MROH1: variants seen among roughly 807,000 people sequenced by gnomAD.
MROH1 encodes the protein maestro heat-like repeat-containing protein family member 1.
In MROH1, 117 loss-of-function variants were observed where a neutral mutation model predicts 116.5. The observed-to-expected ratio is 1.00, with a 90% CI of 0.86 to 1.17. The LOEUF (loss-of-function observed/expected upper bound fraction) is 1.17, where lower values mean the gene tolerates loss of function less well. Ranked by LOEUF, MROH1 falls within the 50% of genes most tolerant of loss-of-function variation. The pLI is 0.00. For synonymous variants in MROH1, 921 were observed against 583.9 expected, an observed-to-expected ratio of 1.58 and a Z score of -8.32; for missense variants, 1,873 against 1,338.5, an observed-to-expected ratio of 1.40 and a Z score of -6.23.
At chr8:144,213,787 CA>C (rs566636266) in intron 12 of MROH1, among the ~76,000 whole-genome samples, 13 of 149,134 alleles carry the variant, frequency 8.7e-5, no homozygotes, top group South Asian at 2.1e-4. Context: ...GACTCCGTCT[CA>C]AAAAAAAAAT....
Position 144,238,824 on chromosome 8 carries a change from C to T in MROH1, c.1407C>T (p.Thr469=). Residue 469 remains threonine (T), a synonymous_variant, in exon 15 of 44, where the codon ACC becomes ACT. Coordinates refer to ENST00000326134, the MANE Select transcript of MROH1 (RefSeq NM_032450.3). ...GCGTGCGGGCCATCAGCGTGCGCACCCTCTACCTGGTCAGCACCACCGTGG... is the reference window on the plus strand; with the variant it reads ...GCGTGCGGGCCATCAGCGTGCGCACTCTCTACCTGGTCAGCACCACCGTGG... ...ADSVRAISVR[T]LYLVSTTVDR... is the part of the protein sequence containing the mutation. The T allele has an allele frequency of 2.6e-6, 2 of 775,074 alleles. No individual in the cohort carries two copies. The highest frequency in any genetic ancestry group is 4.8e-6 in the Non-Finnish European group (2 of 417,818). The allele number at this position is 775,074 out of a possible 1,614,324, so 48.0% of individuals were successfully genotyped here.
chr8:144,249,990 G>A (rs1842584015), intron 32 of MROH1, among the ~76,000 whole-genome samples: 1 of 152,222 alleles, frequency 6.6e-6, no homozygotes, highest in Admixed American at 6.5e-5. Flanking sequence ...CCGGGGCACT[G>A]GCCACTTTGC....
At chr8:144,233,753 C>T (rs1263832125) in intron 14 of MROH1, among the ~76,000 whole-genome samples, 1 of 152,190 alleles carries the variant, frequency 6.6e-6, no homozygotes, top group Non-Finnish European at 1.5e-5. Context: ...CATGGACACT[C>T]GGGGTGCTGC....
At chr8:144,152,394 T>A (rs865983290) in intron 1 of MROH1, among the ~76,000 whole-genome samples, 2,693 of 10,410 alleles carry the variant, frequency 0.26, 94 homozygotes, top group Middle Eastern at 1. Flanking sequence ...TTAAAAAAAA[T>A]TTTTTTTTTT....
intron 10 of MROH1, among the ~76,000 whole-genome samples, chr8:144,193,915 G>A (rs981503719): frequency 6.6e-6 from 1 of 151,790 alleles, no homozygotes; most frequent in African/African-American, 2.4e-5. Flanking sequence ...AGCCAAGACC[G>A]TGCTTTTCAA....
intron 14 of MROH1, among the ~76,000 whole-genome samples, chr8:144,236,940 C>G (rs1212120632): frequency 1.0e-5 from 1 of 98,340 alleles, no homozygotes; most frequent in South Asian, 4.2e-4. Flanking sequence ...GAGTCTCGCT[C>G]TGTCGCCCAG....
intron 12 of MROH1, among the ~76,000 whole-genome samples, chr8:144,207,177 G>T (rs1833006256): frequency 1.3e-5 from 2 of 150,278 alleles, no homozygotes; most frequent in African/African-American, 2.4e-5. Context: ...TCTTTTTTTT[G>T]GGGGGTGGGG....
chr8:144,189,358 G>A (rs1827987891), intron 7 of MROH1, among the ~76,000 whole-genome samples: 1 of 152,206 alleles, frequency 6.6e-6, no homozygotes, highest in African/African-American at 2.4e-5. Context: ...CAGCAGGGCT[G>A]TGTGAAAGGT....
chr8:144,220,098 C>T (rs936906769), intron 12 of MROH1, among the ~76,000 whole-genome samples: 1 of 152,158 alleles, frequency 6.6e-6, no homozygotes, highest in Non-Finnish European at 1.5e-5. Flanking sequence ...ACTTTTTATC[C>T]CCATTTAAAT....
chr8:144,202,525 G>A (rs2131860986), intron 12 of MROH1, among the ~76,000 whole-genome samples: 1 of 148,554 alleles, frequency 6.7e-6, no homozygotes, highest in African/African-American at 2.5e-5. Context: ...TCTGTGGAGG[G>A]GTTGGGAGGG....
intron 43 of MROH1, 79 bp from the exon 44 acceptor site, chr8:144,261,576 T>G (rs1588579791): frequency 1.4e-6 from 1 of 700,454 alleles, no homozygotes; most frequent in Non-Finnish European, 2.6e-6. Flanking sequence ...GCAGAGGCTG[T>G]CAGGAGAGCG....
chr8:144,184,665 C>T (rs1023319729), intron 7 of MROH1, among the ~76,000 whole-genome samples: 1 of 152,180 alleles, frequency 6.6e-6, no homozygotes, highest in Non-Finnish European at 1.5e-5. Context: ...GGACAGGGGT[C>T]TGGGGACAAC....
Position 144,190,826 on chromosome 8 carries a change from A to G in MROH1, c.605A>G (p.Asn202Ser). 6.2e-7 allele frequency: 1 copy of G among 1,613,688 alleles called. No individual in the cohort carries two copies. The highest frequency in any genetic ancestry group is 8.5e-7 in the Non-Finnish European group (1 of 1,179,864). Reference sequence around the variant, plus strand: ...GAGGGTGCCCTGGAGTACCTAGCCAACCTGGACCGAGCCCCAGACCCCACG... The same window carrying G: ...GAGGGTGCCCTGGAGTACCTAGCCAGCCTGGACCGAGCCCCAGACCCCACG... ...FSEGALEYLA[N>S]LDRAPDPTVR... The change falls in exon 8 of 44, where the codon AAC becomes AGC. Residue 202 changes from asparagine (N) to serine (S), a missense_variant. Physicochemically the swap from Asn to Ser is conservative, Grantham distance 46. Transcript: ENST00000326134.
intron 1 of MROH1, among the ~76,000 whole-genome samples, chr8:144,149,880 A>C (rs1156325530): frequency 1.3e-5 from 2 of 149,492 alleles, no homozygotes; most frequent in African/African-American, 4.9e-5. Flanking sequence ...GACTGTGAGC[A>C]GTGGGCTGTG....
chr8:144,179,938 GC>G (rs1825133488), intron 5 of MROH1, among the ~76,000 whole-genome samples: 1 of 72,346 alleles, frequency 1.4e-5, no homozygotes, highest in African/African-American at 3.5e-5. Context: ...CCAGGGCTCT[GC>G]TGCTCCTGCG....
At chr8:144,249,101 G>A (rs1842402493) in intron 32 of MROH1, 72 bp downstream of exon 32, 1 of 704,644 alleles carries the variant, frequency 1.4e-6, no homozygotes, top group African/African-American at 1.8e-5. Flanking sequence ...GGGCAGGGCA[G>A]GAGTGGGGTA....
rs1335176399 is a variant in MROH1, at chr8:144,167,396, G to A, written c.23-899G>A. Among the ~76,000 whole-genome samples the A allele has an allele frequency of 7.1e-4, 93 of 130,124 alleles. 2 individuals carry two copies. Among genetic ancestry groups the A allele is most frequent in the African/African-American group, 3.0e-3 (88 of 29,634 alleles). The allele number at this position is 130,124 out of a possible 152,430, so 85.4% of individuals were successfully genotyped here. On this transcript the variant is annotated intron_variant, in intron 3 of 43. Transcript: ENST00000326134. The stretch of plus-strand genomic sequence containing the variant: ...GGGGTGGAGTGGCCGGTTGTGGGGT[G>A]GAGTGGCCGGTTGTTGGGGTGGAGT...
At chr8:144,197,505 G>A (rs1288284548) in intron 10 of MROH1, among the ~76,000 whole-genome samples, 1 of 132,644 alleles carries the variant, frequency 7.5e-6, no homozygotes, top group Admixed American at 8.8e-5. Flanking sequence ...GCGCGATCTT[G>A]GCTCACTGCA....
rs1163394908 is a variant in MROH1 at position 144,254,866 on chromosome 8, A to G, written c.3482A>G (p.Gln1161Arg). ...ALAVEPRLAAQVLGLLLEKMS... is the reference protein window; with the variant it reads ...ALAVEPRLAARVLGLLLEKMS... ...GCGGTGGAGCCTCGCCTAGCTGCCCAGGTCCTGGGGCTGCTGCTGGAGAAG... is the reference window on the plus strand; with the variant it reads ...GCGGTGGAGCCTCGCCTAGCTGCCCGGGTCCTGGGGCTGCTGCTGGAGAAG... Residue 1161 changes from glutamine (Q) to arginine (R), a missense_variant, in exon 34 of 44, where the codon CAG becomes CGG. Physicochemically the swap from Gln to Arg is conservative, Grantham distance 43. Transcript: ENST00000326134. 8 of 777,800 alleles carry G rather than the reference A, an allele frequency of 1.0e-5. No individual in the cohort carries two copies. Among genetic ancestry groups the G allele is most frequent in the South Asian group, 2.7e-5 (2 of 74,514 alleles). The allele number at this position is 777,800 out of a possible 1,614,324, so 48.2% of individuals were successfully genotyped here.
Sources: allele counts gnomAD v4.1 joint callset (sites outside exome capture counted in the v4.1 genomes callset), GRCh38; gene constraint gnomAD v4.1.1; transcripts MANE v1.5; gene names NCBI Gene and HGNC (gene_info 2026-07-23, HGNC 2026-07-21).